The following CGN variants were observed in gnomAD, a reference collection of about 807,000 sequenced individuals.
CGN encodes cingulin.
A neutral mutation model predicts 157.1 loss-of-function variants in CGN; 121 were observed. The ratio of observed to expected loss-of-function variants is 0.77; its 90% CI spans 0.66 to 0.90. The LOEUF is 0.90. Ranked by LOEUF, CGN falls within the 40% of genes least tolerant of loss-of-function variation. The pLI is 0.00. For synonymous variants in CGN, 535 were observed against 607.5 expected, an observed-to-expected ratio of 0.88 and a Z score of 1.76; for missense variants, 1,424 against 1,520.9, an observed-to-expected ratio of 0.94 and a Z score of 1.06.
At chr1:151,512,518 A>C (rs1664324228) in intron 1 of CGN, among the ~76,000 whole-genome samples, 1 of 152,158 alleles carries the variant, frequency 6.6e-6, no homozygotes, top group South Asian at 2.1e-4. Flanking sequence ...AATAGGCAGG[A>C]CTCATCAGGA....
intron 5 of CGN, among the ~76,000 whole-genome samples, chr1:151,521,641 C>A (rs1376339529): frequency 6.6e-6 from 1 of 152,092 alleles, no homozygotes; most frequent in Non-Finnish European, 1.5e-5. Context: ...GAGTTTGAGA[C>A]CAGCCTGACC....
chr1:151,517,445 T>TC (rs1336472561), intron 1 of CGN, among the ~76,000 whole-genome samples: 1 of 152,020 alleles, frequency 6.6e-6, no homozygotes, highest in Non-Finnish European at 1.5e-5. Context: ...GATGGAGGTA[T>TC]CTGCTCAGCA....
chr1:151,517,737 C>G (rs924311306), intron 1 of CGN, among the ~76,000 whole-genome samples: 4 of 152,112 alleles, frequency 2.6e-5, no homozygotes, highest in Non-Finnish European at 5.9e-5. Flanking sequence ...GTCTTGAACT[C>G]CTGACCTCAG....
At chr1:151,537,035 T>G in intron 20 of CGN, 142 bp downstream of exon 20, 2 of 1,188,066 alleles carry the variant, frequency 1.7e-6, no homozygotes, top group Non-Finnish European at 2.3e-6. Context: ...GTATATTTAT[T>G]TATTAGTATC....
At chr1:151,514,385 G>A (rs929350822) in intron 1 of CGN, among the ~76,000 whole-genome samples, 1 of 152,188 alleles carries the variant, frequency 6.6e-6, no homozygotes, top group African/African-American at 2.4e-5. Flanking sequence ...GCTTCTGAGA[G>A]CTGGCAATCT....
chr1:151,515,849 G>A (rs549663153), intron 1 of CGN, among the ~76,000 whole-genome samples: 1 of 152,290 alleles, frequency 6.6e-6, no homozygotes, highest in South Asian at 2.1e-4. Flanking sequence ...CCTGACTCTA[G>A]CCCAGTGCAT....
At chr1:151,532,918 C>T (rs1475856131) in intron 14 of CGN, among the ~76,000 whole-genome samples, 1 of 152,074 alleles carries the variant, frequency 6.6e-6, no homozygotes, top group Non-Finnish European at 1.5e-5. Context: ...TGCGCCCAGC[C>T]CGGTCCTTGC....
At chr1:151,519,713 T>G (rs1302838341) in intron 2 of CGN, among the ~76,000 whole-genome samples, 1 of 152,238 alleles carries the variant, frequency 6.6e-6, no homozygotes, top group African/African-American at 2.4e-5. Context: ...AAGGCGGGCT[T>G]GGAGGATAAG....
At position 151,525,916 on chromosome 1, in the gene CGN, A is replaced by G. The variant is rs547905864; in HGVS notation, c.1763+126A>G. On this transcript the variant is annotated intron_variant, in intron 9 of 20. Coordinates refer to ENST00000271636, the MANE Select transcript of CGN (RefSeq NM_020770.3). ...GGACAGAGTTTCGCTCTTGTTTCCC[A>G]GGCTGGAGTGTCATGGCACGATCTT... 29 of 612,502 alleles carry G rather than the reference A, an allele frequency of 4.7e-5. 1 individual carries two copies. The East Asian group carries it at 1.6e-3, about 35-fold the overall frequency. The allele number at this position is 612,502 out of a possible 1,614,324, so 37.9% of individuals were successfully genotyped here.
At chr1:151,529,675 T>C (rs1664784822) in intron 11 of CGN, 116 bp downstream of exon 11, 2 of 975,922 alleles carry the variant, frequency 2.0e-6, no homozygotes, top group Admixed American at 5.1e-5. Context: ...AGCTCCTGGG[T>C]CCTAGGCATG....
In CGN at chr1:151,524,935, A is replaced by T; in HGVS notation, c.1614+49A>T. 6.6e-7 allele frequency: 1 copy of T among 1,510,176 alleles called. No individual in the cohort carries two copies. The highest frequency in any genetic ancestry group is 9.1e-7 in the Non-Finnish European group (1 of 1,100,752). 93.5% of individuals were successfully genotyped at this position (1,510,176 alleles called of 1,614,324 possible). A position where few individuals can be genotyped will look rare whatever the true frequency, so the allele number is the denominator to read the frequency against. On this transcript the variant is annotated intron_variant, in intron 8 of 20. Coordinates refer to ENST00000271636, the MANE Select transcript of CGN (RefSeq NM_020770.3). This position sits in a 1 kb window ranked among gnomAD's most constrained non-coding sequence, Gnocchi z 4.4. ...AGAGAGGAGGGCACTGCTGGAGAAC[A>T]AGGCTGCCTTGGGATCTTGGACTTT...
Position 151,537,252 on chromosome 1 carries a change from G to A in CGN, c.3518G>A (p.Gly1173Glu), listed in dbSNP as rs1664989558. The change falls in exon 21 of 21, where the codon GGG becomes GAG. Residue 1173 changes from glycine (G) to glutamate (E), a missense_variant. Around this residue, in one of 3 missense-constraint regions of CGN, gnomAD observed 199 missense variants for 272.2 expected, o/e 0.73. Transcript: ENST00000271636. Reference protein sequence around the residue: ...SAAESALKNEGLSSDEEFDSV... With the variant: ...SAAESALKNEELSSDEEFDSV... ...GCTGAGTCAGCTCTCAAAAACGAAG[G>A]GCTGAGCTCAGATGAGGAATTCGAC... The A allele has an allele frequency of 6.2e-7, 1 of 1,613,994 alleles. No homozygotes were observed. The highest frequency in any genetic ancestry group is 1.3e-5 in the African/African-American group (1 of 75,026).
intron 1 of CGN, among the ~76,000 whole-genome samples, chr1:151,515,238 G>A (rs1402269655): frequency 1.3e-5 from 2 of 152,148 alleles, no homozygotes; most frequent in African/African-American, 2.4e-5. Context: ...TCTGACTTCA[G>A]GTGATCTGCC....
intron 13 of CGN, among the ~76,000 whole-genome samples, chr1:151,531,988 T>C (rs911408723): frequency 6.6e-6 from 1 of 152,258 alleles, no homozygotes; most frequent in Admixed American, 6.5e-5. Context: ...AATTGGCATA[T>C]TTTTCTTAGT....
At chr1:151,534,260 C>A in intron 15 of CGN, 124 bp downstream of exon 15, 1 of 940,336 alleles carries the variant, frequency 1.1e-6, no homozygotes. Flanking sequence ...TTTTCAACAA[C>A]TTTGAATCAA....
Position 151,529,945 on chromosome 1 carries a change from G to C in CGN, c.2143G>C (p.Gly715Arg). The C allele has an allele frequency of 1.2e-6, 2 of 1,614,122 alleles. No individual in the cohort carries two copies. The highest frequency in any genetic ancestry group is 1.7e-6 in the Non-Finnish European group (2 of 1,180,006). Reference sequence around the variant, plus strand: ...GGCCGAGGCAGAGGCAACAGTGCTGGGGCAGCGGCGGGCCGCAGTGGAGAC... The same window carrying C: ...GGCCGAGGCAGAGGCAACAGTGCTGCGGCAGCGGCGGGCCGCAGTGGAGAC... ...MVAEAEATVL[G>R]QRRAAVETTL... Residue 715 changes from glycine (G) to arginine (R), a missense_variant, in exon 12 of 21, where the codon GGG becomes CGG. Around this residue, in one of 3 missense-constraint regions of CGN, gnomAD observed 1,187 missense variants for 1,217.6 expected, o/e 0.97. Transcript: ENST00000271636.
rs1288176769 is a variant in CGN, at chr1:151,519,133, C to A, written c.614C>A (p.Pro205His). ...GRTGRRTRMLPPEQRKRSKSL... is the reference protein window; with the variant it reads ...GRTGRRTRMLHPEQRKRSKSL... The stretch of plus-strand genomic sequence containing the variant: ...ACTGGCCGCCGAACACGGATGCTAC[C>A]CCCTGAACAGCGCAAACGGAGCAAG... The change falls in exon 2 of 21, where the codon CCC becomes CAC. Residue 205 changes from proline (P) to histidine (H), a missense_variant. Coordinates refer to ENST00000271636, the MANE Select transcript of CGN (RefSeq NM_020770.3). The A allele has an allele frequency of 1.2e-6, 2 of 1,613,916 alleles. No homozygotes were observed. Among genetic ancestry groups the A allele is most frequent in the African/African-American group, 2.7e-5 (2 of 74,946 alleles).
intron 9 of CGN, among the ~76,000 whole-genome samples, chr1:151,526,304 G>A (rs1295757513): frequency 2.0e-5 from 3 of 150,718 alleles, no homozygotes; most frequent in East Asian, 2.0e-4. Flanking sequence ...TCAGCCTCCC[G>A]AGTAGCTGGG....
At chr1:151,522,553 G>A (rs955249331) in intron 5 of CGN, among the ~76,000 whole-genome samples, 8 of 152,056 alleles carry the variant, frequency 5.3e-5, no homozygotes, top group African/African-American at 1.9e-4. Context: ...TTGAACCTGG[G>A]AGGCAGAGGT....
Sources: gnomAD v4.1 joint callset for allele counts (sites outside exome capture counted in the v4.1 genomes callset) on GRCh38, gnomAD v4.1.1 for gene constraint, gnomAD v4.1.1 regional missense constraint, Gnocchi (gnomAD v3.1) non-coding constraint, MANE v1.5 for transcripts, NCBI Gene and HGNC (gene_info 2026-07-23, HGNC 2026-07-21) for gene names.